Variants in CPS1 observed in about 807,000 individuals in gnomAD.
The protein encoded by CPS1 is carbamoyl-phosphate synthase [ammonia], mitochondrial.
A neutral mutation model predicts 174.6 loss-of-function variants in CPS1; 109 were observed. The ratio of observed to expected loss-of-function variants is 0.62; its 90% confidence interval spans 0.53 to 0.73. CPS1 has a LOEUF of 0.73. CPS1 is among the 30% of genes least tolerant of loss of function. The pLI is 0.00. For synonymous variants in CPS1, 637 were observed against 632.0 expected (o/e 1.01, Z -0.12); for missense variants, 1,689 against 1,821.9 (o/e 0.93, Z 1.33).
At chr2:210,585,161 C>T (rs935171895) in intron 6 of CPS1, among the ~76,000 whole-genome samples, 1 of 151,960 alleles carries the variant, frequency 6.6e-6, no homozygotes, top group Non-Finnish European at 1.5e-5. Context: ...CCATGGTTTA[C>T]TTATTTGAAT....
intron 32 of CPS1, among the ~76,000 whole-genome samples, chr2:210,661,903 CT>C (rs397987631): frequency 0.11 from 11,276 of 106,318 alleles, 155 homozygotes; most frequent in East Asian, 0.24. Context: ...GATAGATATG[CT>C]TTTTTTTTTT....
chr2:210,650,897 T>C lies in CPS1; in HGVS notation c.3480+459T>C, dbSNP rs1001565847. On this transcript the variant is annotated intron_variant, in intron 28 of 37. Transcript: ENST00000233072. ...CTTTGCCTAGTCAAACATGCAACTT[T>C]AATAGTAAGTCCCTCACTCAACTAT... 1.1e-4 allele frequency among the ~76,000 whole-genome samples: 16 copies of C among 152,218 alleles called. 1 individual carries two copies. The highest frequency in any genetic ancestry group is 4.4e-5 in the Non-Finnish European group (3 of 68,036).
At chr2:210,489,617 G>A (rs1694818137) in intron 1 of CPS1, among the ~76,000 whole-genome samples, 1 of 152,090 alleles carries the variant, frequency 6.6e-6, no homozygotes, top group Non-Finnish European at 1.5e-5. Flanking sequence ...ACTATTTAAG[G>A]AGCATTAAAA....
chr2:210,525,931 G>A (rs1406481431), intron 1 of CPS1, among the ~76,000 whole-genome samples: 4 of 151,644 alleles, frequency 2.6e-5, no homozygotes, highest in African/African-American at 9.7e-5. Flanking sequence ...GAAAAGAATG[G>A]CACGTGCAAG....
At chr2:210,479,616 G>A (rs1464658894) in intron 1 of CPS1, among the ~76,000 whole-genome samples, 1 of 152,146 alleles carries the variant, frequency 6.6e-6, no homozygotes, top group Non-Finnish European at 1.5e-5. Context: ...CCCTTCTCCA[G>A]CAGCCACATG....
At chr2:210,631,603 G>A (rs2105888167) in intron 21 of CPS1, among the ~76,000 whole-genome samples, 1 of 152,212 alleles carries the variant, frequency 6.6e-6, no homozygotes, top group South Asian at 2.1e-4. Flanking sequence ...CAGTCATTTT[G>A]TGCTGCTAAG....
rs1394634996 is a variant in CPS1 at position 210,610,295 on chromosome 2, T to A, written c.2391+1736T>A. Among the ~76,000 whole-genome samples, 6 of 151,942 alleles carry A rather than the reference T, an allele frequency of 3.9e-5. No individual in the cohort carries two copies. The East Asian group carries it at 1.2e-3, about 30-fold the overall frequency. On this transcript the variant is annotated intron_variant, in intron 19 of 37. Coordinates refer to ENST00000233072, the MANE Select transcript of CPS1 (RefSeq NM_001875.5). ...GGGCTTCTTATCTGAGGGATTTTGT[T>A]GTCAAACAAAAAATAAAAGGTAGGG...
chr2:210,508,304 G>T (rs1488273769), intron 1 of CPS1, among the ~76,000 whole-genome samples: 3 of 151,920 alleles, frequency 2.0e-5, no homozygotes, highest in Non-Finnish European at 4.4e-5. Context: ...AATGAAGGCA[G>T]AAATAAAGAT....
intron 1 of CPS1, among the ~76,000 whole-genome samples, chr2:210,479,329 C>CTT (rs11299389): frequency 6.5e-5 from 8 of 122,394 alleles, no homozygotes; most frequent in South Asian, 2.8e-4. Flanking sequence ...ATCATTCTTT[C>CTT]TTTTTTTTTT....
At chr2:210,600,764 A>G (rs771554388) in intron 15 of CPS1, 52 bp downstream of exon 15, 12 of 1,580,146 alleles carry the variant, frequency 7.6e-6, no homozygotes, top group South Asian at 1.1e-5. Context: ...CTTGTGTTGT[A>G]GGGAGAATGA....
chr2:210,556,975 G>A, intron 1 of CPS1, 116 bp downstream of exon 1: 5 of 1,200,794 alleles, frequency 4.2e-6, no homozygotes, highest in Non-Finnish European at 6.1e-6. Flanking sequence ...AAGTACTAAT[G>A]TATTAATGTT....
chr2:210,670,192 A>C (rs1010071331), intron 34 of CPS1, among the ~76,000 whole-genome samples: 1 of 152,182 alleles, frequency 6.6e-6, no homozygotes, highest in Non-Finnish European at 1.5e-5. Flanking sequence ...ACATGAGAGC[A>C]TACGGACACA....
In CPS1 at chr2:210,606,910, C is replaced by T. The variant is rs202107577; in HGVS notation, c.2161C>T (p.Arg721Ter). 1 of 1,612,330 alleles carries T rather than the reference C, an allele frequency of 6.2e-7. No homozygotes were observed. Among genetic ancestry groups the T allele is most frequent in the Non-Finnish European group, 8.5e-7 (1 of 1,178,998 alleles). ...CIIEVNARLS[R>*]SSALASKATG... The stretch of plus-strand genomic sequence containing the variant: ...CATTGAAGTGAATGCCAGACTGTCC[C>T]GAAGCTCTGCTCTGGCCTCAAAAGC... Residue 721 changes from arginine to a stop codon, truncating the protein, a stop_gained, in exon 18 of 38, where the codon CGA (arginine) becomes TGA (stop). Coordinates refer to ENST00000233072, the MANE Select transcript of CPS1 (RefSeq NM_001875.5). LOFTEE classifies it high-confidence loss of function.
intron 1 of CPS1, among the ~76,000 whole-genome samples, chr2:210,492,101 A>G (rs1423532748): frequency 1.3e-5 from 2 of 152,230 alleles, no homozygotes; most frequent in Non-Finnish European, 2.9e-5. Flanking sequence ...CAAGAGTTAG[A>G]CTTCACTATC....
chr2:210,500,152 C>T (rs1189039777), intron 1 of CPS1, among the ~76,000 whole-genome samples: 1 of 151,960 alleles, frequency 6.6e-6, no homozygotes, highest in East Asian at 1.9e-4. Flanking sequence ...GGGGGAACCG[C>T]CCCCATGATT....
chr2:210,491,305 G>GTTTTT (rs1694867721), intron 1 of CPS1, among the ~76,000 whole-genome samples: 1 of 71,712 alleles, frequency 1.4e-5, no homozygotes, highest in Admixed American at 1.8e-4. Flanking sequence ...TTTGGTATCT[G>GTTTTT]TGTTTTTTTT....
chr2:210,651,159 T>C (rs1395138159), intron 28 of CPS1, among the ~76,000 whole-genome samples: 1 of 151,998 alleles, frequency 6.6e-6, no homozygotes, highest in Non-Finnish European at 1.5e-5. Context: ...CTTTTTTTTT[T>C]AAGGGGGAAC....
At chr2:210,629,955 C>A (rs1046624804) in intron 21 of CPS1, among the ~76,000 whole-genome samples, 19 of 151,462 alleles carry the variant, frequency 1.3e-4, no homozygotes, top group African/African-American at 4.4e-4. Context: ...CGCCTGTAGT[C>A]CCAGCTACTC....
chr2:210,562,822 T>G (rs1697148008), intron 1 of CPS1, among the ~76,000 whole-genome samples: 1 of 152,098 alleles, frequency 6.6e-6, no homozygotes, highest in Non-Finnish European at 1.5e-5. Context: ...GTAAATTATT[T>G]TCATTTTTAC....
Sources: allele counts gnomAD v4.1 joint callset (sites outside exome capture counted in the v4.1 genomes callset), GRCh38; gene constraint gnomAD v4.1.1; transcripts MANE v1.5; gene names NCBI Gene and HGNC (gene_info 2026-07-23, HGNC 2026-07-21).